BFSP2: variants seen among roughly 807,000 people sequenced by gnomAD.
BFSP2 encodes the protein phakinin.
In BFSP2, 38 loss-of-function variants were observed where a neutral mutation model predicts 44.9. The ratio of observed to expected loss-of-function variants is 0.85; its 90% CI spans 0.65 to 1.11. BFSP2 has a LOEUF of 1.11. BFSP2 is among the 50% of genes least tolerant of loss of function. BFSP2 has a pLI of 0.00. For synonymous variants in BFSP2, 197 were observed against 209.9 expected, an observed-to-expected ratio of 0.94 and a Z score of 0.53; for missense variants, 525 against 533.0, an observed-to-expected ratio of 0.99 and a Z score of 0.15.
intron 1 of BFSP2, among the ~76,000 whole-genome samples, chr3:133,418,211 G>A (rs996956055): frequency 2.6e-5 from 4 of 151,878 alleles, no homozygotes; most frequent in African/African-American, 4.8e-5. Flanking sequence ...ACTGCCCAGA[G>A]TACTTCCAGG....
intron 1 of BFSP2, among the ~76,000 whole-genome samples, chr3:133,444,851 C>T (rs1400729089): frequency 5.3e-5 from 8 of 152,168 alleles, no homozygotes; most frequent in African/African-American, 1.9e-4. Context: ...GGTTCTTTGG[C>T]ATCTTCTCCT....
At chr3:133,444,334 G>A (rs762066988) in intron 1 of BFSP2, among the ~76,000 whole-genome samples, 16 of 151,996 alleles carry the variant, frequency 1.1e-4, no homozygotes, top group African/African-American at 2.4e-4. Context: ...TCACACATAC[G>A]CTGAGTCTCA....
At chr3:133,429,767 T>A (rs200718610) in intron 1 of BFSP2, 1 of 143,088 alleles carries the variant, frequency 7.0e-6, no homozygotes, top group Non-Finnish European at 1.5e-5. Context: ...TTTTTTTTTT[T>A]ATTATACTTT....
At chr3:133,435,811 A>AT (rs1465874106) in intron 1 of BFSP2, among the ~76,000 whole-genome samples, 3 of 152,154 alleles carry the variant, frequency 2.0e-5, no homozygotes, top group Non-Finnish European at 2.9e-5. Flanking sequence ...TGAATTATCC[A>AT]TTTGTAAACT....
intron 1 of BFSP2, among the ~76,000 whole-genome samples, chr3:133,443,236 A>G (rs1356265906): frequency 6.6e-6 from 1 of 152,218 alleles, no homozygotes; most frequent in African/African-American, 2.4e-5. Flanking sequence ...GACCTCAAAG[A>G]GAGGGTGAGT....
chr3:133,456,346 C>A (rs1408452523), intron 4 of BFSP2, among the ~76,000 whole-genome samples: 3 of 152,096 alleles, frequency 2.0e-5, no homozygotes, highest in Non-Finnish European at 4.4e-5. Context: ...AGTCTTAAGG[C>A]CAAAAGAAAC....
intron 1 of BFSP2, among the ~76,000 whole-genome samples, chr3:133,427,580 G>A (rs2073665829): frequency 6.6e-6 from 1 of 152,178 alleles, no homozygotes; most frequent in Admixed American, 6.5e-5. Context: ...CTGCTCCTCA[G>A]CCAGCTTGGG....
At chr3:133,429,178 T>C (rs1376636827) in intron 1 of BFSP2, 1 of 152,014 alleles carries the variant, frequency 6.6e-6, no homozygotes, top group Admixed American at 6.6e-5. Flanking sequence ...TTACTACATA[T>C]GTATAAAACC....
intron 1 of BFSP2, among the ~76,000 whole-genome samples, chr3:133,408,245 T>A (rs140021819): frequency 6.6e-6 from 1 of 152,278 alleles, no homozygotes; most frequent in East Asian, 1.9e-4. Context: ...AAAAAATAGA[T>A]GAAAATGGCT....
At chr3:133,411,225 T>G (rs986175791) in intron 1 of BFSP2, among the ~76,000 whole-genome samples, 1 of 148,238 alleles carries the variant, frequency 6.7e-6, no homozygotes, top group Admixed American at 6.7e-5. Flanking sequence ...TGGAGCCCAC[T>G]GAGGAACCAA....
Position 133,448,655 on chromosome 3 carries a change from G to A in BFSP2, c.729+10G>A. On this transcript the variant is annotated intron_variant, in intron 3 of 6. Coordinates refer to ENST00000302334, the MANE Select transcript of BFSP2 (RefSeq NM_003571.4). ...AAGAAACTATGAAGAGGTAGGAGGGGGCTGGGGTTGCTGGGTTGGCCACAA... is the reference window on the plus strand; with the variant it reads ...AAGAAACTATGAAGAGGTAGGAGGGAGCTGGGGTTGCTGGGTTGGCCACAA... 6.2e-7 allele frequency: 1 copy of A among 1,613,090 alleles called. No homozygotes were observed. Among genetic ancestry groups the A allele is most frequent in the Non-Finnish European group, 8.5e-7 (1 of 1,179,830 alleles).
Position 133,400,655 on chromosome 3 carries a change from G to A in BFSP2, c.489+83G>A. The A allele has an allele frequency of 6.5e-7, 1 of 1,536,736 alleles. No homozygotes were observed. The highest frequency in any genetic ancestry group is 1.2e-5 in the South Asian group (1 of 83,166). ...CAGCGGGTAGGGTTGTGAGTAGGCT[G>A]AGGCCAGAGAAACTGACCATAATCC... is the stretch of plus-strand genomic sequence containing the variant. On this transcript the variant is annotated intron_variant, in intron 1 of 6. Coordinates refer to ENST00000302334, the MANE Select transcript of BFSP2 (RefSeq NM_003571.4). This position sits in a 1 kb window ranked among gnomAD's most constrained non-coding sequence, Gnocchi z 4.0.
intron 1 of BFSP2, among the ~76,000 whole-genome samples, chr3:133,435,250 T>C (rs1421950480): frequency 6.6e-6 from 1 of 152,226 alleles, no homozygotes; most frequent in Non-Finnish European, 1.5e-5. Context: ...GGTGTTTTTC[T>C]GCTAATGCTT....
intron 1 of BFSP2, chr3:133,410,966 G>C (rs2073446520): frequency 6.6e-6 from 1 of 152,264 alleles, no homozygotes; most frequent in Non-Finnish European, 1.5e-5. Flanking sequence ...ATGTTTTAAA[G>C]TTTAAAGAAA....
chr3:133,425,807 G>GGAAATAAAGAAGGGAAGGGAAATAAA (rs1194814215), intron 1 of BFSP2, among the ~76,000 whole-genome samples: 1 of 120,450 alleles, frequency 8.3e-6, no homozygotes, highest in African/African-American at 4.0e-5. Context: ...AGGGAAGAAG[G>GGAAATAAAGAAGGGAAGGGAAATAAA]GAAGGGAAGG....
intron 1 of BFSP2, among the ~76,000 whole-genome samples, chr3:133,436,550 G>T (rs1247780913): frequency 6.6e-6 from 1 of 152,134 alleles, no homozygotes; most frequent in Non-Finnish European, 1.5e-5. Context: ...AAGCATTTGG[G>T]TTTGACTTGT....
chr3:133,433,951 C>T (rs539800016), intron 1 of BFSP2, among the ~76,000 whole-genome samples: 1 of 152,332 alleles, frequency 6.6e-6, no homozygotes, highest in African/African-American at 2.4e-5. Context: ...CCAACTTAGA[C>T]TGTGCCCCAA....
At chr3:133,431,367 G>A (rs1381689115) in intron 1 of BFSP2, among the ~76,000 whole-genome samples, 1 of 152,034 alleles carries the variant, frequency 6.6e-6, no homozygotes, top group Non-Finnish European at 1.5e-5. Context: ...CAGCAGCCAG[G>A]CGTTCCTCCA....
intron 4 of BFSP2, among the ~76,000 whole-genome samples, chr3:133,451,613 A>G (rs923618911): frequency 7.2e-5 from 11 of 152,264 alleles, no homozygotes; most frequent in Non-Finnish European, 1.5e-4. Flanking sequence ...AAAGCATTCA[A>G]ACAAAGAAAC....
Sources: allele counts gnomAD v4.1 joint callset (sites outside exome capture counted in the v4.1 genomes callset), GRCh38; gene constraint gnomAD v4.1.1; non-coding constraint Gnocchi (gnomAD v3.1); transcripts MANE v1.5; gene names NCBI Gene and HGNC (gene_info 2026-07-23, HGNC 2026-07-21).